Variants in ZNG1E observed in about 807,000 individuals in gnomAD.
ZNG1E encodes the protein zinc-regulated GTPase metalloprotein activator 1E.
chr9:65,680,619 G>A, the ZNG1E span, among the ~76,000 whole-genome samples: 2 of 152,230 alleles, frequency 1.3e-5, no homozygotes, highest in African/African-American at 4.8e-5. Flanking sequence ...CGATTTTATG[G>A]GAGCTCATTT....
chr9:65,678,119 T>G, the ZNG1E span, among the ~76,000 whole-genome samples: 2 of 151,074 alleles, frequency 1.3e-5, no homozygotes, highest in African/African-American at 2.4e-5. Context: ...TTTCATAATA[T>G]GGTTAAAAAG....
the ZNG1E span, among the ~76,000 whole-genome samples, chr9:65,664,898 G>T: frequency 1.3e-5 from 2 of 152,184 alleles, no homozygotes; most frequent in Non-Finnish European, 2.9e-5. Context: ...AGATACTAGG[G>T]GCATTTTGCC....
the ZNG1E span, among the ~76,000 whole-genome samples, chr9:65,666,969 TGC>T: frequency 6.6e-6 from 1 of 151,622 alleles, no homozygotes; most frequent in African/African-American, 2.4e-5. Context: ...TACAGGAGTG[TGC>T]TATCACACTC....
chr9:65,661,790 T>G, the ZNG1E span, among the ~76,000 whole-genome samples: 1 of 152,222 alleles, frequency 6.6e-6, no homozygotes, highest in Non-Finnish European at 1.5e-5. Context: ...CACAAAGGAA[T>G]TTTTTGGGAT....
At chr9:65,709,443 C>T in the ZNG1E span, among the ~76,000 whole-genome samples, 1 of 139,132 alleles carries the variant, frequency 7.2e-6, no homozygotes, top group African/African-American at 2.8e-5. Flanking sequence ...TGCTGGTGGG[C>T]TGCACCCACT....
chr9:65,681,417 G>C, the ZNG1E span, among the ~76,000 whole-genome samples: 1 of 152,270 alleles, frequency 6.6e-6, no homozygotes, highest in Non-Finnish European at 1.5e-5. Context: ...GTAGTGTACT[G>C]TAATTTAGAT....
the ZNG1E span, among the ~76,000 whole-genome samples, chr9:65,687,316 C>G: frequency 7.1e-6 from 1 of 141,010 alleles, no homozygotes; most frequent in Non-Finnish European, 1.5e-5. Context: ...TGTTGCTTCT[C>G]CATTCCCGAG....
the ZNG1E span, chr9:65,723,258 A>C: frequency 9.2e-6 from 2 of 216,860 alleles, no homozygotes; most frequent in African/African-American, 1.5e-4. Flanking sequence ...GCTGTCTAGG[A>C]GTGTTATGTA....
At chr9:65,692,174 CT>C in the ZNG1E span, among the ~76,000 whole-genome samples, 1 of 46,366 alleles carries the variant, frequency 2.2e-5, no homozygotes, top group African/African-American at 6.8e-5. Context: ...TAAGAAAAGT[CT>C]TTTTTTTGAT....
At chr9:65,687,332 C>T in the ZNG1E span, among the ~76,000 whole-genome samples, 3 of 139,888 alleles carry the variant, frequency 2.1e-5, no homozygotes, top group Non-Finnish European at 4.6e-5. Flanking sequence ...CCGAGTTAGT[C>T]CATCTCCTGA....
the ZNG1E span, among the ~76,000 whole-genome samples, chr9:65,655,080 A>G: frequency 6.6e-6 from 1 of 151,332 alleles, no homozygotes; most frequent in Non-Finnish European, 1.5e-5. Flanking sequence ...GAAATGATAT[A>G]TAAGGTGGAT....
At chr9:65,714,206 T>G in the ZNG1E span, among the ~76,000 whole-genome samples, 1 of 148,776 alleles carries the variant, frequency 6.7e-6, no homozygotes, top group Admixed American at 6.7e-5. Context: ...TTCAGCTCCA[T>G]CAGCTCCTTT....
the ZNG1E span, among the ~76,000 whole-genome samples, chr9:65,720,982 A>C: frequency 3.3e-5 from 5 of 150,854 alleles, no homozygotes; most frequent in African/African-American, 5.0e-5. Flanking sequence ...TAAAAAAAAA[A>C]AAAAAAACCC....
chr9:65,715,334 G>A, the ZNG1E span, among the ~76,000 whole-genome samples: 1 of 150,944 alleles, frequency 6.6e-6, no homozygotes, highest in Non-Finnish European at 1.5e-5. Context: ...TACCTCAGAT[G>A]GAAATGGAGA....
chr9:65,687,933 C>A, the ZNG1E span, among the ~76,000 whole-genome samples: 472 of 140,526 alleles, frequency 3.4e-3, 1 homozygote, highest in Admixed American at 6.8e-3. Flanking sequence ...CTTCTAAGAA[C>A]ATTTTCCTTG....
At chr9:65,691,001 A>C in the ZNG1E span, 1 of 1,604,402 alleles carries the variant, frequency 6.2e-7, no homozygotes. Context: ...TTGATGCTGA[A>C]TTAGGGAGTG....
chr9:65,690,015 G>GA, the ZNG1E span, among the ~76,000 whole-genome samples: 3 of 136,326 alleles, frequency 2.2e-5, no homozygotes, highest in African/African-American at 5.5e-5. Flanking sequence ...AAGTTTTTGG[G>GA]AAAAAAATCA....
the ZNG1E span, among the ~76,000 whole-genome samples, chr9:65,714,699 G>A: frequency 1.4e-5 from 2 of 147,106 alleles, no homozygotes; most frequent in East Asian, 1.9e-4. Flanking sequence ...CTCCCAGGGG[G>A]TGACCTCCCA....
At chr9:65,709,211 C>A in the ZNG1E span, among the ~76,000 whole-genome samples, 2 of 143,604 alleles carry the variant, frequency 1.4e-5, no homozygotes, top group African/African-American at 5.3e-5. Flanking sequence ...CACTTCTACA[C>A]CAAACACTAT....
Sources: gnomAD v4.1 joint callset for allele counts (sites outside exome capture counted in the v4.1 genomes callset) on GRCh38, gnomAD v4.1.1 for gene constraint, MANE v1.5 for transcripts, NCBI Gene and HGNC (gene_info 2026-07-23, HGNC 2026-07-21) for gene names.